KCNN2: variants seen among roughly 807,000 people sequenced by gnomAD.
The protein encoded by KCNN2 is small conductance calcium-activated potassium channel protein 2.
Under a neutral mutation model 55.5 loss-of-function variants are expected in KCNN2, and 24 were observed. The ratio of observed to expected loss-of-function variants is 0.43; its 90% CI spans 0.31 to 0.61. KCNN2 has a LOEUF of 0.61. KCNN2 is among the 20% of genes least tolerant of loss of function. The probability of loss-of-function intolerance (pLI) is 0.08; values close to 1 mark genes in which losing one functional copy is unlikely to be tolerated. For synonymous variants in KCNN2, 431 were observed against 336.1 expected (o/e 1.28, Z -3.09); for missense variants, 754 against 853.6 (o/e 0.88, Z 1.45).
chr5:114,455,489 C>T (rs1760876360), intron 3 of KCNN2, among the ~76,000 whole-genome samples: 1 of 152,300 alleles, frequency 6.6e-6, no homozygotes, highest in African/African-American at 2.4e-5. Flanking sequence ...CTTTCCTATT[C>T]CCTGAAACGC....
intron 2 of KCNN2, among the ~76,000 whole-genome samples, chr5:114,242,717 C>T (rs184324283): frequency 1.3e-5 from 2 of 152,080 alleles, no homozygotes. Flanking sequence ...TTTTTGTGAA[C>T]ATAGAGAAAG....
intron 2 of KCNN2, among the ~76,000 whole-genome samples, chr5:114,252,050 G>C (rs1358154619): frequency 6.6e-6 from 1 of 151,042 alleles, no homozygotes; most frequent in Non-Finnish European, 1.5e-5. Flanking sequence ...GGCTAATTTT[G>C]TATTTTTAGT....
intron 1 of KCNN2, among the ~76,000 whole-genome samples, chr5:114,196,141 A>C (rs1753551777): frequency 6.6e-6 from 1 of 151,976 alleles, no homozygotes; most frequent in African/African-American, 2.4e-5. Context: ...TTTGCCCTCT[A>C]TTCTATTAAT....
At chr5:114,275,224 G>C (rs1161811517) in intron 2 of KCNN2, among the ~76,000 whole-genome samples, 2 of 152,190 alleles carry the variant, frequency 1.3e-5, no homozygotes, top group African/African-American at 4.8e-5. Flanking sequence ...TGTGCTGCTG[G>C]ATCCAGTTTG....
chr5:114,477,647 A>G (rs1428650306), intron 5 of KCNN2, among the ~76,000 whole-genome samples: 1 of 152,142 alleles, frequency 6.6e-6, no homozygotes, highest in Non-Finnish European at 1.5e-5. Context: ...GGGGCAATAT[A>G]TTTACCATGC....
chr5:114,104,195 T>A (rs1304291186), intron 1 of KCNN2, among the ~76,000 whole-genome samples: 2 of 152,128 alleles, frequency 1.3e-5, no homozygotes, highest in African/African-American at 4.8e-5. Flanking sequence ...TCTTCTAGAT[T>A]TTCTGGTTTA....
intron 3 of KCNN2, among the ~76,000 whole-genome samples, chr5:114,428,210 A>G (rs1226274822): frequency 6.6e-6 from 1 of 152,192 alleles, no homozygotes; most frequent in Non-Finnish European, 1.5e-5. Context: ...GTTAGACCAT[A>G]ATTTTTCATT....
At chr5:114,324,935 A>G (rs1756687101) in intron 2 of KCNN2, among the ~76,000 whole-genome samples, 1 of 152,248 alleles carries the variant, frequency 6.6e-6, no homozygotes, top group African/African-American at 2.4e-5. Context: ...TAGAGAATAC[A>G]TAAGTCATCA....
At chr5:114,399,116 G>C (rs192380263) in intron 2 of KCNN2, among the ~76,000 whole-genome samples, 52 of 152,268 alleles carry the variant, frequency 3.4e-4, no homozygotes, top group Non-Finnish European at 7.1e-4. Flanking sequence ...TCTTTGTTTT[G>C]TGCCAGTTTT....
chr5:114,224,553 C>A (rs766708975), intron 2 of KCNN2, among the ~76,000 whole-genome samples: 10 of 152,134 alleles, frequency 6.6e-5, no homozygotes, highest in Non-Finnish European at 1.3e-4. Context: ...TTGCTTCATG[C>A]AGAAGAACAC....
At chr5:114,341,714 T>G (rs1021746322) in intron 2 of KCNN2, among the ~76,000 whole-genome samples, 2 of 152,180 alleles carry the variant, frequency 1.3e-5, no homozygotes, top group African/African-American at 2.4e-5. Context: ...ATTTCATTAG[T>G]CAAAAACATT....
In KCNN2 at chr5:114,179,472, T is replaced by A. The variant is rs1580593826; in HGVS notation, c.-270-42008T>A. Reference sequence around the variant, plus strand: ...CATTGTGCTTTCAATCAAAGGTTATTATCTCCATTTAGAAAGTAGAGGCAC... The same window carrying A: ...CATTGTGCTTTCAATCAAAGGTTATAATCTCCATTTAGAAAGTAGAGGCAC... On this transcript the variant is annotated intron_variant, in intron 1 of 10. Transcript: ENST00000512097. Among the ~76,000 whole-genome samples the A allele has an allele frequency of 2.6e-5, 4 of 152,312 alleles. No homozygotes were observed. The South Asian group carries it at 8.3e-4, about 32-fold the overall frequency.
intron 3 of KCNN2, among the ~76,000 whole-genome samples, chr5:114,432,836 C>T (rs1000270413): frequency 6.6e-5 from 10 of 152,210 alleles, no homozygotes; most frequent in African/African-American, 9.6e-5. Flanking sequence ...CCAGCGGCTG[C>T]GGTGGTTGTA....
At chr5:114,108,764 T>C (rs1249397451) in intron 1 of KCNN2, among the ~76,000 whole-genome samples, 1 of 152,096 alleles carries the variant, frequency 6.6e-6, no homozygotes, top group Non-Finnish European at 1.5e-5. Context: ...TGTTTATCAA[T>C]TCTGCTATCA....
At chr5:114,406,332 A>C (rs572259316) in intron 3 of KCNN2, among the ~76,000 whole-genome samples, 106 of 147,818 alleles carry the variant, frequency 7.2e-4, no homozygotes, top group Middle Eastern at 3.5e-3. Context: ...TGTGGAAGTC[A>C]GTTTTTTTTT....
At chr5:114,151,485 G>C (rs954905193) in intron 1 of KCNN2, among the ~76,000 whole-genome samples, 1 of 151,744 alleles carries the variant, frequency 6.6e-6, no homozygotes, top group Non-Finnish European at 1.5e-5. Flanking sequence ...TTGCTTATCA[G>C]CTCTTTCTTT....
At chr5:114,471,968 T>C (rs1476636147) in intron 4 of KCNN2, among the ~76,000 whole-genome samples, 2 of 152,210 alleles carry the variant, frequency 1.3e-5, no homozygotes, top group Non-Finnish European at 2.9e-5. Flanking sequence ...CTACTTTCTG[T>C]GCCTCTGTCT....
intron 1 of KCNN2, among the ~76,000 whole-genome samples, chr5:114,117,699 A>C (rs1258505989): frequency 1.3e-5 from 2 of 152,172 alleles, no homozygotes; most frequent in Non-Finnish European, 2.9e-5. Flanking sequence ...GAGGTGGGAA[A>C]GCTTTCAGTG....
intron 2 of KCNN2, among the ~76,000 whole-genome samples, chr5:114,286,749 G>A (rs1385822619): frequency 6.6e-6 from 1 of 152,084 alleles, no homozygotes; most frequent in Non-Finnish European, 1.5e-5. Context: ...AGTACAGAGA[G>A]AAAAATGAGT....
Sources: allele counts gnomAD v4.1 joint callset (sites outside exome capture counted in the v4.1 genomes callset), GRCh38; gene constraint gnomAD v4.1.1; transcripts MANE v1.5; gene names NCBI Gene and HGNC (gene_info 2026-07-23, HGNC 2026-07-21).